Variants in TMEM131 observed in about 807,000 individuals in gnomAD.
The protein encoded by TMEM131 is 2610524E03Rik.
In TMEM131, 66 loss-of-function variants were observed where a neutral mutation model predicts 211.6. That is an observed-to-expected ratio of 0.31 (90% confidence interval 0.26 to 0.38). The LOEUF (loss-of-function observed/expected upper bound fraction) is 0.38, where lower values mean the gene tolerates loss of function less well. Among genes scored for constraint, TMEM131 ranks in the 10% least tolerant of loss-of-function variants. The probability of loss-of-function intolerance (pLI) is 1.00; values close to 1 mark genes in which losing one functional copy is unlikely to be tolerated. For synonymous variants in TMEM131, 844 were observed against 841.3 expected, an observed-to-expected ratio of 1.00 and a Z score of -0.06; for missense variants, 2,036 against 2,299.3, an observed-to-expected ratio of 0.89 and a Z score of 2.34.
chr2:97,879,369 T>G (rs1431658751), intron 4 of TMEM131, among the ~76,000 whole-genome samples: 2 of 152,196 alleles, frequency 1.3e-5, no homozygotes, highest in Non-Finnish European at 2.9e-5. Context: ...GCAGATATAT[T>G]ATGGTCCTCA....
At chr2:97,969,350 C>T (rs1679196387) in intron 1 of TMEM131, among the ~76,000 whole-genome samples, 1 of 152,158 alleles carries the variant, frequency 6.6e-6, no homozygotes, top group African/African-American at 2.4e-5. Flanking sequence ...CTTCCAGGCC[C>T]TCCACCAAGC....
chr2:97,994,510 G>A (rs1027394538), intron 1 of TMEM131, among the ~76,000 whole-genome samples: 4 of 152,150 alleles, frequency 2.6e-5, no homozygotes, highest in Non-Finnish European at 5.9e-5. Flanking sequence ...AAAGTAGAAT[G>A]TTAACTCTAA....
At chr2:97,930,306 C>A (rs1677165974) in intron 1 of TMEM131, among the ~76,000 whole-genome samples, 1 of 151,710 alleles carries the variant, frequency 6.6e-6, no homozygotes, top group Admixed American at 6.6e-5. Flanking sequence ...AATGAGTTCC[C>A]ACCATTGAGC....
At chr2:97,846,206 T>C (rs1462443893) in intron 5 of TMEM131, among the ~76,000 whole-genome samples, 1 of 152,228 alleles carries the variant, frequency 6.6e-6, no homozygotes, top group Non-Finnish European at 1.5e-5. Flanking sequence ...AGAACATTCC[T>C]AATTCAGCAT....
rs534304901 is a variant in TMEM131 at position 97,757,113 on chromosome 2, G to A, written c.5638C>T (p.Pro1880Ser). The A allele has an allele frequency of 6.3e-7, 1 of 1,595,792 alleles. No homozygotes were observed. Among genetic ancestry groups the A allele is most frequent in the South Asian group, 1.1e-5 (1 of 89,694 alleles). The change falls in exon 41 of 41, where the codon CCT (proline) becomes TCT (serine). Residue 1880 changes from proline (P) to serine (S), a missense_variant. By Grantham distance (74) the Pro-to-Ser change is moderately conservative. This residue lies in a region of TMEM131 where 1,623 missense variants were observed against 1,805.9 expected (regional missense o/e 0.90). Coordinates refer to ENST00000186436, the MANE Select transcript of TMEM131 (RefSeq NM_015348.2). ...SSDPWSNSHF[P>S]HEN ...TTTTGCTTAATTTAATTCTCGTGAG[G>A]AAAGTGCGAATTAGACCAAGGGTCC...
At chr2:97,966,574 A>G (rs1449695232) in intron 1 of TMEM131, among the ~76,000 whole-genome samples, 1 of 152,176 alleles carries the variant, frequency 6.6e-6, no homozygotes, top group Non-Finnish European at 1.5e-5. Context: ...AGCTGACTAC[A>G]TGGATTACCT....
intron 1 of TMEM131, among the ~76,000 whole-genome samples, chr2:97,986,458 C>A (rs1372089352): frequency 6.6e-6 from 1 of 152,186 alleles, no homozygotes; most frequent in Admixed American, 6.5e-5. Flanking sequence ...ATTTTATAAT[C>A]TGTTTTATTC....
intron 1 of TMEM131, among the ~76,000 whole-genome samples, chr2:97,956,031 T>C (rs1432283394): frequency 1.3e-5 from 2 of 152,044 alleles, no homozygotes; most frequent in African/African-American, 2.4e-5. Context: ...GTCAAAACAA[T>C]CTTGAGAAAT....
chr2:97,941,536 C>T (rs1342970037), intron 1 of TMEM131, among the ~76,000 whole-genome samples: 2 of 152,164 alleles, frequency 1.3e-5, no homozygotes, highest in East Asian at 3.9e-4. Context: ...AGTGAACAGG[C>T]AACCTACAGA....
chr2:97,867,660 T>G (rs1674326485), intron 4 of TMEM131, among the ~76,000 whole-genome samples: 1 of 152,188 alleles, frequency 6.6e-6, no homozygotes, highest in African/African-American at 2.4e-5. Context: ...ATACAGCATC[T>G]GTCCTAGAGT....
intron 4 of TMEM131, among the ~76,000 whole-genome samples, chr2:97,868,734 G>C (rs549295555): frequency 1.3e-5 from 2 of 152,328 alleles, no homozygotes; most frequent in South Asian, 4.2e-4. Context: ...TCCTGAGGCA[G>C]TGATAGATAG....
chr2:97,943,505 T>C (rs1677896886), intron 1 of TMEM131, among the ~76,000 whole-genome samples: 1 of 152,166 alleles, frequency 6.6e-6, no homozygotes, highest in African/African-American at 2.4e-5. Context: ...AAAGCATCAC[T>C]GAAAAAAATT....
intron 1 of TMEM131, among the ~76,000 whole-genome samples, chr2:97,930,578 T>A (rs1231344047): frequency 1.3e-5 from 2 of 150,306 alleles, no homozygotes; most frequent in African/African-American, 4.9e-5. Flanking sequence ...TAAATAGGAT[T>A]CAACTCTGGC....
At chr2:97,874,118 A>C (rs995528064) in intron 4 of TMEM131, among the ~76,000 whole-genome samples, 1 of 152,216 alleles carries the variant, frequency 6.6e-6, no homozygotes, top group African/African-American at 2.4e-5. Flanking sequence ...GGAAGAAAGG[A>C]TATCAGTGAT....
At chr2:97,874,474 G>A (rs1366103518) in intron 4 of TMEM131, among the ~76,000 whole-genome samples, 1 of 152,240 alleles carries the variant, frequency 6.6e-6, no homozygotes, top group African/African-American at 2.4e-5. Context: ...CAGCCAGAGA[G>A]AAAGGTTGGG....
intron 6 of TMEM131, among the ~76,000 whole-genome samples, chr2:97,843,935 C>A (rs1267781832): frequency 6.6e-6 from 1 of 151,952 alleles, no homozygotes; most frequent in Admixed American, 6.6e-5. Context: ...TAAATTAACA[C>A]TTTAGCTGTT....
intron 4 of TMEM131, among the ~76,000 whole-genome samples, chr2:97,859,763 G>A (rs986720717): frequency 2.6e-5 from 4 of 152,146 alleles, no homozygotes; most frequent in Non-Finnish European, 5.9e-5. Context: ...CCTACCAATT[G>A]TGTCCTCTTC....
intron 4 of TMEM131, among the ~76,000 whole-genome samples, chr2:97,867,677 G>A (rs1397113454): frequency 1.3e-5 from 2 of 152,154 alleles, no homozygotes; most frequent in African/African-American, 4.8e-5. Flanking sequence ...GAGTGGGGTG[G>A]GTGAAGAGAG....
At chr2:97,780,390 T>C (rs1679940984) in intron 31 of TMEM131, among the ~76,000 whole-genome samples, 1 of 152,194 alleles carries the variant, frequency 6.6e-6, no homozygotes, top group South Asian at 2.1e-4. Context: ...AAGTGTTGCC[T>C]GGCCACCCGT....
Sources: allele counts gnomAD v4.1 joint callset (sites outside exome capture counted in the v4.1 genomes callset), GRCh38; gene constraint gnomAD v4.1.1; regional missense constraint gnomAD v4.1.1; transcripts MANE v1.5; gene names NCBI Gene and HGNC (gene_info 2026-07-23, HGNC 2026-07-21).